FRMD4B: variants seen among roughly 807,000 people sequenced by gnomAD.
The protein encoded by FRMD4B is FERM domain-containing protein 4B.
In FRMD4B, 74 loss-of-function variants were observed where a neutral mutation model predicts 141.5. The ratio of observed to expected loss-of-function variants is 0.52; its 90% CI spans 0.43 to 0.63. FRMD4B has a LOEUF of 0.63. FRMD4B is among the 30% of genes least tolerant of loss of function. The pLI, the probability that FRMD4B is intolerant of heterozygous loss-of-function variation, is 0.00. For missense variants in FRMD4B, 1,366 were observed against 1,253.4 expected (o/e 1.09, Z -1.36); for synonymous variants, 506 against 467.9 (o/e 1.08, Z -1.05).
At chr3:69,191,317 G>A (rs2092833971) in intron 17 of FRMD4B, among the ~76,000 whole-genome samples, 1 of 152,178 alleles carries the variant, frequency 6.6e-6, no homozygotes, top group South Asian at 2.1e-4. Context: ...CTATTTGGGA[G>A]GCTGAGGCAG....
chr3:69,274,973 A>G (rs947796928), intron 5 of FRMD4B, among the ~76,000 whole-genome samples: 6 of 152,218 alleles, frequency 3.9e-5, no homozygotes, highest in African/African-American at 1.4e-4. Flanking sequence ...TGAATTTTCA[A>G]GGCCTTCCTA....
At chr3:69,222,794 T>G (rs890829319) in intron 8 of FRMD4B, among the ~76,000 whole-genome samples, 1 of 56,808 alleles carries the variant, frequency 1.8e-5, no homozygotes, top group Non-Finnish European at 4.2e-5. Context: ...CTTAATTTAC[T>G]AGAAAAGGAA....
intron 1 of FRMD4B, among the ~76,000 whole-genome samples, chr3:69,452,821 A>T (rs1705522006): frequency 6.6e-6 from 1 of 152,266 alleles, no homozygotes; most frequent in South Asian, 2.1e-4. Flanking sequence ...AGGCACATGT[A>T]TAATTTTCAG....
At chr3:69,537,199 C>A (rs552086307) in intron 1 of FRMD4B, among the ~76,000 whole-genome samples, 1 of 152,320 alleles carries the variant, frequency 6.6e-6, no homozygotes, top group East Asian at 1.9e-4. Flanking sequence ...GAAGCCAGCA[C>A]GATCGCCCTG....
chr3:69,446,966 C>T (rs984119468), intron 1 of FRMD4B, among the ~76,000 whole-genome samples: 1 of 152,048 alleles, frequency 6.6e-6, no homozygotes, highest in Non-Finnish European at 1.5e-5. Context: ...GGTTGATCCA[C>T]ATGTCACACA....
chr3:69,381,247 A>C (rs1027995441), intron 1 of FRMD4B, among the ~76,000 whole-genome samples: 7 of 152,228 alleles, frequency 4.6e-5, no homozygotes, highest in Non-Finnish European at 2.9e-5. Flanking sequence ...CTTCTCCAAT[A>C]TCTAGAAATG....
rs192017645 is a variant in FRMD4B at position 69,231,978 on chromosome 3, G to A, written c.582-7288C>T. Among the ~76,000 whole-genome samples the A allele has an allele frequency of 5.9e-5, 9 of 152,270 alleles. No individual in the cohort carries two copies. In the East Asian group the frequency reaches 1.7e-3, roughly 29 times the overall value. On this transcript the variant is annotated intron_variant, in intron 7 of 22. Coordinates refer to ENST00000398540, the MANE Select transcript of FRMD4B (RefSeq NM_015123.3). ...TGCAAGGGATCTACGGAGCTTGTAGGAGCAGCCAGGTCTGGCTTCTGCACA... is the reference window on the plus strand; with the variant it reads ...TGCAAGGGATCTACGGAGCTTGTAGAAGCAGCCAGGTCTGGCTTCTGCACA...
At chr3:69,420,539 C>A (rs369244633) in intron 2 of FRMD4B, among the ~76,000 whole-genome samples, 2 of 152,044 alleles carry the variant, frequency 1.3e-5, no homozygotes, top group East Asian at 3.9e-4. Context: ...TCTCCGGAGT[C>A]ACTATGCTAA....
At chr3:69,261,238 C>G (rs1414946559) in intron 5 of FRMD4B, among the ~76,000 whole-genome samples, 1 of 152,156 alleles carries the variant, frequency 6.6e-6, no homozygotes, top group East Asian at 1.9e-4. Flanking sequence ...CATGAATCCA[C>G]CAGAAGAAAG....
chr3:69,472,481 C>T (rs974428286), intron 1 of FRMD4B: 13 of 374,492 alleles, frequency 3.5e-5, no homozygotes, highest in South Asian at 2.4e-5. Context: ...GTTGTAGTTA[C>T]AACTGTTCTT....
At chr3:69,523,978 A>T (rs762213670) in intron 1 of FRMD4B, among the ~76,000 whole-genome samples, 1 of 152,166 alleles carries the variant, frequency 6.6e-6, no homozygotes, top group Non-Finnish European at 1.5e-5. Context: ...CTTTGCCCCA[A>T]CTAACTGGAT....
rs114244526 is a variant in FRMD4B, at chr3:69,373,501, A to G, written c.162+12327T>C. Among the ~76,000 whole-genome samples, 1,416 of 152,364 alleles carry G rather than the reference A, an allele frequency of 9.3e-3. 23 individuals are homozygous for G. Among genetic ancestry groups the G allele is most frequent in the African/African-American group, 0.032 (1,319 of 41,594 alleles). ...ATGAGTTTAATTATACCTATTTAACATCATTAGAAGAATTAAATAAAATGG... is the reference window on the plus strand; with the variant it reads ...ATGAGTTTAATTATACCTATTTAACGTCATTAGAAGAATTAAATAAAATGG... On this transcript the variant is annotated intron_variant, in intron 1 of 22. Transcript: ENST00000398540.
intron 7 of FRMD4B, among the ~76,000 whole-genome samples, chr3:69,237,579 T>C (rs1467179180): frequency 6.6e-6 from 1 of 152,108 alleles, no homozygotes; most frequent in African/African-American, 2.4e-5. Flanking sequence ...GGTTTAGGTG[T>C]GAGCATGCAT....
At chr3:69,265,599 C>A (rs995498681) in intron 5 of FRMD4B, among the ~76,000 whole-genome samples, 2 of 151,374 alleles carry the variant, frequency 1.3e-5, no homozygotes, top group South Asian at 2.1e-4. Context: ...AGGCGCCCAC[C>A]ACCAAGCCCG....
At chr3:69,456,494 A>G (rs1184599250) in intron 1 of FRMD4B, among the ~76,000 whole-genome samples, 2 of 152,070 alleles carry the variant, frequency 1.3e-5, no homozygotes, top group African/African-American at 2.4e-5. Context: ...TAAAGGAGAG[A>G]TTGGTTGCAA....
At chr3:69,267,263 C>G (rs2093566745) in intron 5 of FRMD4B, among the ~76,000 whole-genome samples, 1 of 151,974 alleles carries the variant, frequency 6.6e-6, no homozygotes, top group Non-Finnish European at 1.5e-5. Context: ...TTCAGAAATA[C>G]CAGTGTAATA....
intron 2 of FRMD4B, among the ~76,000 whole-genome samples, chr3:69,425,618 C>T (rs1705064143): frequency 6.6e-6 from 1 of 152,176 alleles, no homozygotes; most frequent in Non-Finnish European, 1.5e-5. Flanking sequence ...CATAAAAGGG[C>T]TTTAAAAGAT....
chr3:69,510,561 T>A (rs555043729), intron 1 of FRMD4B, among the ~76,000 whole-genome samples: 1 of 152,298 alleles, frequency 6.6e-6, no homozygotes, highest in East Asian at 1.9e-4. Context: ...TTTCATGCAC[T>A]CTGCAAGGAA....
intron 17 of FRMD4B, among the ~76,000 whole-genome samples, chr3:69,192,306 G>C (rs1379181927): frequency 6.6e-6 from 1 of 152,120 alleles, no homozygotes; most frequent in Non-Finnish European, 1.5e-5. Context: ...AGCCCAGGAA[G>C]TCGAGGCTGC....
Sources: allele counts gnomAD v4.1 joint callset (sites outside exome capture counted in the v4.1 genomes callset), GRCh38; gene constraint gnomAD v4.1.1; transcripts MANE v1.5; gene names NCBI Gene and HGNC (gene_info 2026-07-23, HGNC 2026-07-21).